The following HADHA variants were observed in gnomAD, a reference collection of about 807,000 sequenced individuals.
The protein encoded by HADHA is trifunctional enzyme subunit alpha, mitochondrial.
HADHA carries 59 observed loss-of-function variants against 91.3 expected under a neutral mutation model. The ratio of observed to expected loss-of-function variants is 0.65; its 90% CI spans 0.52 to 0.80. The LOEUF (loss-of-function observed/expected upper bound fraction) is 0.80. Among genes scored for constraint, HADHA ranks in the 30% least tolerant of loss-of-function variants. The pLI, the probability that HADHA is intolerant of heterozygous loss-of-function variation, is 0.00. For missense variants in HADHA, 800 were observed against 927.6 expected (o/e 0.86, Z 1.79); for synonymous variants, 320 against 338.9 (o/e 0.94, Z 0.61).
intron 17 of HADHA, 56 bp from the exon 18 acceptor site, chr2:26,192,480 C>CTATT (rs1574601292): frequency 2.0e-6 from 2 of 996,662 alleles, no homozygotes; most frequent in East Asian, 4.8e-5. Flanking sequence ...GGGAGTGTTA[C>CTATT]TATTTGTTCT....
intron 6 of HADHA, among the ~76,000 whole-genome samples, chr2:26,231,049 T>C (rs1263323022): frequency 6.6e-6 from 1 of 151,974 alleles, no homozygotes; most frequent in African/African-American, 2.4e-5. Context: ...GCTGCTTATA[T>C]GGCATACTAG....
rs1224893056 is a variant in HADHA, at chr2:26,214,690, C to A, written c.800-129G>T. The A allele has an allele frequency of 7.3e-6, 5 of 685,872 alleles. No homozygotes were observed. Among genetic ancestry groups the A allele is most frequent in the African/African-American group, 1.8e-5 (1 of 55,848 alleles). 42.5% of individuals were successfully genotyped at this position (685,872 alleles called of 1,614,324 possible). A position where few individuals can be genotyped will look rare whatever the true frequency, so the allele number is the denominator to read the frequency against. On this transcript the variant is annotated intron_variant, in intron 8 of 19. Transcript: ENST00000380649. The surrounding 1 kb of genome is among the most constrained non-coding windows in gnomAD (Gnocchi z 4.1). ...AAGAACTGCTCTTTATTCTGATACA[C>A]ACAATATAAATTTCAACCTAAGCAC... is the stretch of plus-strand genomic sequence containing the variant.
chr2:26,190,877 C>T lies in HADHA; in HGVS notation c.*373G>A. 3.0e-6 allele frequency: 1 copy of T among 335,854 alleles called. No individual in the cohort carries two copies. The highest frequency in any genetic ancestry group is 3.3e-5 in the South Asian group (1 of 30,286). The allele number at this position is 335,854 out of a possible 1,614,324, so 20.8% of individuals were successfully genotyped here. A position where few individuals can be genotyped will look rare whatever the true frequency, so the allele number is the denominator to read the frequency against. On this transcript the variant is annotated 3_prime_UTR_variant, in exon 20 of 20. Transcript: ENST00000380649. The stretch of plus-strand genomic sequence containing the variant: ...AACCAGAAGGGCAAAGATGCTGACA[C>T]AGAGTTTGGTTTTTATTGTTATGTG...
At position 26,209,819 on chromosome 2, in the gene HADHA, C is replaced by A. The variant is rs1324983418; in HGVS notation, c.1046G>T (p.Cys349Phe). 1 of 1,601,574 alleles carries A rather than the reference C, an allele frequency of 6.2e-7. No homozygotes were observed. The highest frequency in any genetic ancestry group is 8.6e-7 in the Non-Finnish European group (1 of 1,168,712). Residue 349 changes from cysteine to phenylalanine, a missense_variant, in exon 11 of 20, where the codon TGC (cysteine) becomes TTC (phenylalanine). By Grantham distance (205) the Cys-to-Phe change is radical. Transcript: ENST00000380649. ...LMGLYHGQVL[C>F]KKNKFGAPQK... is the part of the protein sequence containing the mutation. ...TGGAGCTCCAAATTTATTCTTCTTG[C>A]ACAGGACCTGACCATGGTAGAGTCC...
chr2:26,210,015 G>A lies in HADHA; in HGVS notation c.976-126C>T, dbSNP rs931560999. The A allele has an allele frequency of 1.3e-5, 9 of 716,894 alleles. No individual in the cohort carries two copies. In the East Asian group the frequency reaches 1.3e-4, roughly 10 times the overall value. 44.4% of individuals were successfully genotyped at this position (716,894 alleles called of 1,614,324 possible). A position where few individuals can be genotyped will look rare whatever the true frequency, so the allele number is the denominator to read the frequency against. ...GAAGCCTGAGTCCCTGGGGATGCGG[G>A]GGAGTTTGGGGGTTCAGTGCTGCAG... On this transcript the variant is annotated intron_variant, in intron 10 of 19. Coordinates refer to ENST00000380649, the MANE Select transcript of HADHA (RefSeq NM_000182.5). This position sits in a 1 kb window ranked among gnomAD's most constrained non-coding sequence, Gnocchi z 4.0.
chr2:26,193,552 G>A (rs766984282), intron 17 of HADHA, 25 bp downstream of exon 17: 1 of 1,574,550 alleles, frequency 6.4e-7, no homozygotes, highest in African/African-American at 1.3e-5. Context: ...AATGGTGCTA[G>A]TTATGTTTCC....
intron 1 of HADHA, among the ~76,000 whole-genome samples, chr2:26,239,862 C>T (rs10177371): frequency 0.6 from 91,849 of 152,012 alleles, 29,443 homozygotes; most frequent in Non-Finnish European, 0.72. Flanking sequence ...GTTCAACCAT[C>T]AGGTTTATTT....
chr2:26,199,975 C>T (rs1482655957), intron 13 of HADHA, among the ~76,000 whole-genome samples: 1 of 152,068 alleles, frequency 6.6e-6, no homozygotes, highest in Non-Finnish European at 1.5e-5. Context: ...GCCCAGATTG[C>T]AGAATTGTGA....
chr2:26,193,293 CTTTTTT>C (rs370942158), intron 17 of HADHA, among the ~76,000 whole-genome samples: 2 of 115,166 alleles, frequency 1.7e-5, no homozygotes, highest in East Asian at 5.3e-4. Context: ...CACATGACAT[CTTTTTT>C]TTTTTTTTTT....
intron 9 of HADHA, among the ~76,000 whole-genome samples, 184 bp from the exon 10 acceptor site, chr2:26,212,810 G>A (rs1670134692): frequency 6.6e-6 from 1 of 152,162 alleles, no homozygotes; most frequent in Admixed American, 6.5e-5. Flanking sequence ...CCATCTTTGA[G>A]GCTACTGCTA....
In HADHA at chr2:26,191,724, G is replaced by A; in HGVS notation, c.2001-96C>T. On this transcript the variant is annotated intron_variant, in intron 18 of 19. Transcript: ENST00000380649. The stretch of plus-strand genomic sequence containing the variant: ...AATGGAAGTCGGGATGGGTGCATGG[G>A]GAGCTCTGTGGGCCGGTTGGTGCTG... 3 of 1,238,840 alleles carry A rather than the reference G, an allele frequency of 2.4e-6. No individual in the cohort carries two copies. The East Asian group carries it at 6.9e-5, about 29-fold the overall frequency. 76.7% of individuals were successfully genotyped at this position (1,238,840 alleles called of 1,614,324 possible). A position where few individuals can be genotyped will look rare whatever the true frequency, so the allele number is the denominator to read the frequency against.
In HADHA at chr2:26,191,268, G is replaced by C; in HGVS notation, c.2274C>G (p.Asn758Lys). The C allele has an allele frequency of 6.2e-7, 1 of 1,612,744 alleles. No individual in the cohort carries two copies. Among genetic ancestry groups the C allele is most frequent in the Non-Finnish European group, 8.5e-7 (1 of 1,180,012 alleles). Residue 758 changes from asparagine to lysine, a missense_variant, in exon 20 of 20, where the codon AAC becomes AAG. Asn to Lys is a moderately conservative substitution (Grantham distance 94). Coordinates refer to ENST00000380649, the MANE Select transcript of HADHA (RefSeq NM_000182.5). ...GGCCTGCTCACTGGTAGAACTTCTT[G>C]TTAGGGCTGTTAGCATGGTCAGCTA... is the stretch of plus-strand genomic sequence containing the variant. ...QLLADHANSP[N>K]KKFYQ is the part of the protein sequence containing the mutation.
intron 16 of HADHA, 51 bp from the exon 17 acceptor site, chr2:26,193,823 C>T (rs761728649): frequency 2.1e-6 from 3 of 1,426,232 alleles, no homozygotes; most frequent in Non-Finnish European, 2.0e-6. Flanking sequence ...CCCAAATCCC[C>T]CCAAAGGGCT....
At chr2:26,201,121 G>A in intron 13 of HADHA, 28 bp downstream of exon 13, 2 of 1,548,594 alleles carry the variant, frequency 1.3e-6, no homozygotes, top group Non-Finnish European at 1.8e-6. Flanking sequence ...ACTACACTAG[G>A]ATTCAAGTAC....
chr2:26,198,947 T>C (rs1186545872), intron 13 of HADHA, among the ~76,000 whole-genome samples: 1 of 151,298 alleles, frequency 6.6e-6, no homozygotes, highest in Admixed American at 6.6e-5. Flanking sequence ...CAGGCTAGAG[T>C]GCAGTGGTGC....
At chr2:26,233,429 C>G (rs1162147250) in intron 5 of HADHA, among the ~76,000 whole-genome samples, 3 of 152,240 alleles carry the variant, frequency 2.0e-5, no homozygotes, top group African/African-American at 2.4e-5. Context: ...GTGTCTGGCA[C>G]AGAGTTCAGC....
intron 1 of HADHA, among the ~76,000 whole-genome samples, chr2:26,240,156 C>T (rs13014338): frequency 0.18 from 27,035 of 152,090 alleles, 2,765 homozygotes; most frequent in Middle Eastern, 0.26. Flanking sequence ...ATTTAATGTT[C>T]TGTCCTCTAA....
intron 5 of HADHA, among the ~76,000 whole-genome samples, chr2:26,232,699 T>C (rs1178071294): frequency 6.6e-6 from 1 of 152,218 alleles, no homozygotes; most frequent in Non-Finnish European, 1.5e-5. Context: ...GTTAATCAAA[T>C]TCTGCTTATA....
intron 7 of HADHA, among the ~76,000 whole-genome samples, chr2:26,224,043 G>A (rs1670433740): frequency 6.6e-6 from 1 of 152,152 alleles, no homozygotes; most frequent in South Asian, 2.1e-4. Context: ...CACTGCACCT[G>A]GCCGGAATGG....
Sources: allele counts gnomAD v4.1 joint callset (sites outside exome capture counted in the v4.1 genomes callset), GRCh38; gene constraint gnomAD v4.1.1; non-coding constraint Gnocchi (gnomAD v3.1); transcripts MANE v1.5; gene names NCBI Gene and HGNC (gene_info 2026-07-23, HGNC 2026-07-21).